The following SNX13 variants were observed in gnomAD, a reference collection of about 807,000 sequenced individuals.
The protein encoded by SNX13 is sorting nexin-13.
A neutral mutation model predicts 133.6 loss-of-function variants in SNX13; 45 were observed. The ratio of observed to expected loss-of-function variants is 0.34; its 90% CI spans 0.27 to 0.43. The LOEUF (loss-of-function observed/expected upper bound fraction) is 0.43. SNX13 is among the 20% of genes least tolerant of loss of function. The probability of loss-of-function intolerance (pLI) is 1.00; values close to 1 mark genes in which losing one functional copy is unlikely to be tolerated. For missense variants in SNX13, 1,032 were observed against 1,145.1 expected, an observed-to-expected ratio of 0.90 and a Z score of 1.43; for synonymous variants, 414 against 373.9, an observed-to-expected ratio of 1.11 and a Z score of -1.24.
At chr7:17,868,262 A>C in intron 9 of SNX13, 145 bp downstream of exon 9, 1 of 648,822 alleles carries the variant, frequency 1.5e-6, no homozygotes, top group Non-Finnish European at 2.6e-6. Flanking sequence ...GCAAATAAAA[A>C]TATTGGAAAC....
At chr7:17,937,570 C>CA (rs1802258451) in intron 1 of SNX13, among the ~76,000 whole-genome samples, 1 of 149,274 alleles carries the variant, frequency 6.7e-6, no homozygotes, top group Admixed American at 6.7e-5. Flanking sequence ...TGAAAAGTTT[C>CA]ATATGAACAC....
chr7:17,893,814 A>T (rs978366632), intron 2 of SNX13, among the ~76,000 whole-genome samples: 1 of 151,844 alleles, frequency 6.6e-6, no homozygotes, highest in Non-Finnish European at 1.5e-5. Context: ...CTCTACTAAA[A>T]ATACAAAAAT....
intron 12 of SNX13, among the ~76,000 whole-genome samples, chr7:17,844,495 A>G (rs192949770): frequency 2.6e-3 from 402 of 152,170 alleles, no homozygotes; most frequent in African/African-American, 7.7e-3. Flanking sequence ...AGTAACACCA[A>G]TCCTTTTTAA....
chr7:17,892,559 T>C (rs1299160810), intron 3 of SNX13, among the ~76,000 whole-genome samples: 2 of 151,714 alleles, frequency 1.3e-5, no homozygotes, highest in African/African-American at 2.4e-5. Flanking sequence ...TTTCAGATTA[T>C]AAAAAAGTTT....
At chr7:17,849,254 C>G (rs1790918440) in intron 11 of SNX13, among the ~76,000 whole-genome samples, 1 of 152,158 alleles carries the variant, frequency 6.6e-6, no homozygotes, top group East Asian at 1.9e-4. Flanking sequence ...TACAGTTGCT[C>G]AAACCAAAAT....
intron 2 of SNX13, among the ~76,000 whole-genome samples, chr7:17,896,223 T>A (rs1269492982): frequency 6.6e-6 from 1 of 152,198 alleles, no homozygotes; most frequent in African/African-American, 2.4e-5. Flanking sequence ...TATCAGACTC[T>A]TATGGCTGAA....
chr7:17,882,342 T>C (rs1795443335), intron 5 of SNX13: 1 of 152,128 alleles, frequency 6.6e-6, no homozygotes, highest in African/African-American at 2.4e-5. Flanking sequence ...CTCATAACAC[T>C]ACAGATTTAT....
chr7:17,813,861 C>T (rs1026661268), intron 20 of SNX13, among the ~76,000 whole-genome samples: 2 of 152,180 alleles, frequency 1.3e-5, no homozygotes, highest in Non-Finnish European at 2.9e-5. Flanking sequence ...GCTGGGATTA[C>T]AGGCATGAGC....
intron 22 of SNX13, 83 bp downstream of exon 22, chr7:17,801,505 A>C: frequency 3.0e-6 from 3 of 986,118 alleles, no homozygotes; most frequent in Non-Finnish European, 4.6e-6. Flanking sequence ...CATTAATGAT[A>C]CATAGAACAC....
chr7:17,851,656 G>C (rs546027867), intron 9 of SNX13, among the ~76,000 whole-genome samples: 2 of 122,240 alleles, frequency 1.6e-5, no homozygotes, highest in South Asian at 5.5e-4. Flanking sequence ...CTGACAACTG[G>C]AATAGTGGAG....
intron 9 of SNX13, among the ~76,000 whole-genome samples, chr7:17,861,949 T>C (rs10244018): frequency 0.039 from 5,872 of 152,266 alleles, 368 homozygotes; most frequent in African/African-American, 0.13. Flanking sequence ...ATGCCTCACA[T>C]CTCTCAGTCA....
rs151292886 is a variant in SNX13, at chr7:17,932,877, T to G, written c.12+7407A>C. 3.9e-5 allele frequency among the ~76,000 whole-genome samples: 6 copies of G among 152,332 alleles called. No individual in the cohort carries two copies. The East Asian group carries it at 1.2e-3, about 29-fold the overall frequency. On this transcript the variant is annotated intron_variant, in intron 1 of 25. Transcript: ENST00000428135. ...TCACCCTTTAGTGGTATCATTTTAT[T>G]CTGACAAAAGACCTCAAGGCTCCCA...
chr7:17,835,896 G>A (rs183144537), intron 13 of SNX13, among the ~76,000 whole-genome samples: 52 of 151,812 alleles, frequency 3.4e-4, no homozygotes, highest in South Asian at 8.3e-4. Context: ...TTTGTGTTTC[G>A]GGGGGTAGTA....
Position 17,890,368 on chromosome 7 carries a change from A to G in SNX13, c.435T>C (p.Ala145=), listed in dbSNP as rs1796494179. ...ATACAATGTCGTGTCCTTACCTAGT[A>G]GCAAACTGAATGAGTGCGTTTTGAA... is the stretch of plus-strand genomic sequence containing the variant. The part of the protein sequence containing the change: ...QTLQNALIQF[A]TRSKEIDWQP... Residue 145 remains alanine (A), a synonymous_variant, in exon 5 of 26, where the codon GCT becomes GCC. Transcript: ENST00000428135. The G allele has an allele frequency of 1.2e-6, 2 of 1,609,840 alleles. No individual in the cohort carries two copies. Among genetic ancestry groups the G allele is most frequent in the African/African-American group, 1.3e-5 (1 of 74,860 alleles).
At chr7:17,841,359 T>C (rs1463255592) in intron 12 of SNX13, among the ~76,000 whole-genome samples, 1 of 152,044 alleles carries the variant, frequency 6.6e-6, no homozygotes, top group Admixed American at 6.6e-5. Context: ...TGACTATGCA[T>C]GCCCAGGGAA....
chr7:17,836,209 A>C (rs995010017), intron 13 of SNX13, among the ~76,000 whole-genome samples: 1 of 152,036 alleles, frequency 6.6e-6, no homozygotes, highest in African/African-American at 2.4e-5. Context: ...CTTCCAAAAA[A>C]AGTAATACAA....
intron 8 of SNX13, among the ~76,000 whole-genome samples, chr7:17,871,425 C>G (rs1794110834): frequency 6.6e-6 from 1 of 152,174 alleles, no homozygotes; most frequent in Non-Finnish European, 1.5e-5. Context: ...CATCCTTGAC[C>G]AAACTTAGGC....
At chr7:17,819,947 T>C (rs1219127963) in intron 18 of SNX13, among the ~76,000 whole-genome samples, 1 of 151,954 alleles carries the variant, frequency 6.6e-6, no homozygotes, top group Admixed American at 6.6e-5. Context: ...AGTCAAAACA[T>C]GTCCATTTCA....
chr7:17,809,525 A>T (rs1785752233), intron 20 of SNX13, among the ~76,000 whole-genome samples: 1 of 152,164 alleles, frequency 6.6e-6, no homozygotes, highest in African/African-American at 2.4e-5. Flanking sequence ...ATAGTGGAAG[A>T]CTTTAACACC....
Sources: allele counts gnomAD v4.1 joint callset (sites outside exome capture counted in the v4.1 genomes callset), GRCh38; gene constraint gnomAD v4.1.1; transcripts MANE v1.5; gene names NCBI Gene and HGNC (gene_info 2026-07-23, HGNC 2026-07-21).